C5: variants seen among roughly 807,000 people sequenced by gnomAD.
C5 encodes complement C5.
C5 carries 140 observed loss-of-function variants against 218.8 expected under a neutral mutation model. That is an observed-to-expected ratio of 0.64 (90% CI 0.56 to 0.74). The LOEUF is 0.74. Ranked by LOEUF, C5 falls within the 30% of genes least tolerant of loss-of-function variation. The pLI, the probability that C5 is intolerant of heterozygous loss-of-function variation, is 0.00. For missense variants in C5, 1,700 were observed against 1,969.6 expected, an observed-to-expected ratio of 0.86 and a Z score of 2.59; for synonymous variants, 614 against 682.3, an observed-to-expected ratio of 0.90 and a Z score of 1.56.
At chr9:121,047,648 G>A (rs1466178218) in intron 1 of C5, among the ~76,000 whole-genome samples, 2 of 152,180 alleles carry the variant, frequency 1.3e-5, no homozygotes, top group Non-Finnish European at 2.9e-5. Context: ...TCTGGTAAAA[G>A]CAGGAAGTTT....
the C5 span, among the ~76,000 whole-genome samples, chr9:121,071,171 A>G: frequency 6.6e-6 from 1 of 151,872 alleles, no homozygotes. Context: ...ATACACAAAA[A>G]TAGCTGGGCG....
intron 1 of C5, among the ~76,000 whole-genome samples, chr9:121,049,147 G>A (rs1398492965): frequency 6.6e-6 from 1 of 152,172 alleles, no homozygotes; most frequent in Non-Finnish European, 1.5e-5. Flanking sequence ...TAATTAAAGT[G>A]ATTGATTGCC....
intron 38 of C5, 138 bp downstream of exon 38, chr9:120,960,110 C>A (rs757115107): frequency 1.8e-5 from 12 of 656,262 alleles, no homozygotes; most frequent in Non-Finnish European, 2.7e-5. Context: ...TGCTAAAAAT[C>A]GATGGCATTT....
At chr9:121,046,445 G>T in intron 1 of C5, 62 bp from the exon 2 acceptor site, 1 of 1,205,036 alleles carries the variant, frequency 8.3e-7, no homozygotes, top group Non-Finnish European at 1.2e-6. Context: ...TTTTACTTTT[G>T]ATTTTTTTCT....
intron 6 of C5, among the ~76,000 whole-genome samples, chr9:121,031,257 GTTAC>G (rs59228613): frequency 0.51 from 77,842 of 151,302 alleles, 22,267 homozygotes; most frequent in South Asian, 0.8. Context: ...AACTATTTAC[GTTAC>G]TTGTTAGTCT....
At chr9:121,023,588 A>G (rs1382172235) in intron 9 of C5, 69 bp from the exon 10 acceptor site, 12 of 855,984 alleles carry the variant, frequency 1.4e-5, no homozygotes, top group African/African-American at 6.6e-5. Context: ...TATCCATTTC[A>G]TCTCTATATG....
chr9:120,956,961 C>G (rs1267875336), intron 39 of C5: 1 of 345,730 alleles, frequency 2.9e-6, no homozygotes, highest in African/African-American at 2.1e-5. Context: ...ATATACCAAA[C>G]CCCCAAAACA....
chr9:120,961,791 C>G (rs752558394), intron 36 of C5, among the ~76,000 whole-genome samples: 2 of 152,124 alleles, frequency 1.3e-5, no homozygotes, highest in Non-Finnish European at 2.9e-5. Context: ...TTGAAACACT[C>G]GTTTCTCAGA....
chr9:121,052,340 CCAG>C (rs992277562), upstream of C5, among the ~76,000 whole-genome samples: 5 of 151,140 alleles, frequency 3.3e-5, no homozygotes, highest in African/African-American at 1.2e-4. Flanking sequence ...GCCTGTAATC[CCAG>C]CTACTTGGGA....
chr9:121,032,682 C>A lies in C5; in HGVS notation c.585-487G>T, dbSNP rs2047486516. Among the ~76,000 whole-genome samples, 3 of 152,216 alleles carry A rather than the reference C, an allele frequency of 2.0e-5. No individual in the cohort carries two copies. The South Asian group carries it at 6.2e-4, about 32-fold the overall frequency. The stretch of plus-strand genomic sequence containing the variant: ...TTTTTAAAAGATGAAAATGACCTGG[C>A]TTTAATTAATAACCTTTATTCAAAA... On this transcript the variant is annotated intron_variant, in intron 5 of 40. Coordinates refer to ENST00000223642, the MANE Select transcript of C5 (RefSeq NM_001735.3).
Position 120,996,770 on chromosome 9 carries a change from C to A in C5, c.2791-470G>T, listed in dbSNP as rs1222722712. On this transcript the variant is annotated intron_variant, in intron 21 of 40. Transcript: ENST00000223642. ...GTGCTTTGCACAAAATAAGTCGGTA[C>A]ATGTTTACTGAAGTGAATTTCATAG... is the stretch of plus-strand genomic sequence containing the variant. Among the ~76,000 whole-genome samples, 3 of 152,156 alleles carry A rather than the reference C, an allele frequency of 2.0e-5. No individual in the cohort carries two copies. In the East Asian group the frequency reaches 5.8e-4, roughly 29 times the overall value.
intron 20 of C5, 151 bp downstream of exon 20, chr9:121,005,768 A>C (rs920589220): frequency 9.7e-6 from 7 of 723,400 alleles, no homozygotes; most frequent in Non-Finnish European, 1.7e-5. Flanking sequence ...ACATCCCTAC[A>C]CATATAGTAC....
rs904686289 is a variant in C5, at chr9:120,982,796, T to G, written c.3249A>C (p.Leu1083Phe). The G allele has an allele frequency of 7.6e-6, 12 of 1,588,030 alleles. No individual in the cohort carries two copies. Among genetic ancestry groups the G allele is most frequent in the African/African-American group, 4.0e-5 (3 of 74,460 alleles). ...ATTTATTTACTTGTCCAAGTACTCTTAAAGCAAAAGCTGTTAACCTTTAAG... is the reference window on the plus strand; with the variant it reads ...ATTTATTTACTTGTCCAAGTACTCTGAAAGCAAAAGCTGTTAACCTTTAAG... The part of the protein sequence containing the change: ...SASTWLTAFA[L>F]RVLGQVNKYV... Residue 1083 changes from leucine to phenylalanine, a missense_variant, in exon 26 of 41, where the codon TTA becomes TTC. Transcript: ENST00000223642.
At chr9:120,959,151 C>T (rs2046807453) in intron 38 of C5, among the ~76,000 whole-genome samples, 1 of 152,122 alleles carries the variant, frequency 6.6e-6, no homozygotes, top group South Asian at 2.1e-4. Context: ...CAATGAGAAA[C>T]TGTTTATGGA....
At chr9:121,011,948 T>C (rs905729498) in intron 17 of C5, among the ~76,000 whole-genome samples, 2 of 151,916 alleles carry the variant, frequency 1.3e-5, no homozygotes, top group African/African-American at 4.8e-5. Context: ...TATGGAGATA[T>C]AGAGTAGAAG....
At chr9:121,013,192 C>G (rs1034100514) in intron 17 of C5, among the ~76,000 whole-genome samples, 1 of 151,696 alleles carries the variant, frequency 6.6e-6, no homozygotes, top group Admixed American at 6.6e-5. Context: ...TGGTGGCAGG[C>G]GCCTTTAATC....
At chr9:121,048,254 C>T (rs1188299769) in intron 1 of C5, among the ~76,000 whole-genome samples, 1 of 151,958 alleles carries the variant, frequency 6.6e-6, no homozygotes, top group Non-Finnish European at 1.5e-5. Flanking sequence ...GGTAGGGGTC[C>T]CCAACCCCTG....
At chr9:121,002,234 ATATGTATATGTATATATATG>A (rs1564146424) in intron 20 of C5, among the ~76,000 whole-genome samples, 996 of 59,798 alleles carry the variant, frequency 0.017, 28 homozygotes, top group South Asian at 0.058. Context: ...ATATATGTAT[ATATGTATATGTATATATATG>A]TATATATGTA....
intron 3 of C5, among the ~76,000 whole-genome samples, chr9:121,041,947 C>G (rs1334891268): frequency 3.3e-5 from 5 of 152,178 alleles, no homozygotes; most frequent in African/African-American, 1.2e-4. Flanking sequence ...AACAAATGCT[C>G]CTGCTGAAAC....
Sources: gnomAD v4.1 joint callset for allele counts (sites outside exome capture counted in the v4.1 genomes callset) on GRCh38, gnomAD v4.1.1 for gene constraint, MANE v1.5 for transcripts, NCBI Gene and HGNC (gene_info 2026-07-23, HGNC 2026-07-21) for gene names.